The following USP44 variants were observed in gnomAD, a reference collection of about 807,000 sequenced individuals.
The protein encoded by USP44 is ubiquitin carboxyl-terminal hydrolase 44.
In USP44, 61 loss-of-function variants were observed where a neutral mutation model predicts 69.0. That is an observed-to-expected ratio of 0.88 (90% CI 0.72 to 1.09). The LOEUF (loss-of-function observed/expected upper bound fraction) is 1.09, where lower values mean the gene tolerates loss of function less well. Among genes scored for constraint, USP44 ranks in the 50% least tolerant of loss-of-function variants. USP44 has a pLI of 0.00. For missense variants in USP44, 753 were observed against 849.9 expected (o/e 0.89, Z 1.42); for synonymous variants, 297 against 295.4 (o/e 1.01, Z -0.06).
intron 4 of USP44, among the ~76,000 whole-genome samples, chr12:95,522,286 T>C (rs2076690541): frequency 6.6e-6 from 1 of 152,018 alleles, no homozygotes; most frequent in Non-Finnish European, 1.5e-5. Context: ...AACATAGTTT[T>C]ATGATGGAAA....
At position 95,532,018 on chromosome 12, in the gene USP44, A is replaced by G. The variant is rs989280836; in HGVS notation, c.1428+811T>C. Among the ~76,000 whole-genome samples, 4 of 152,284 alleles carry G rather than the reference A, an allele frequency of 2.6e-5. No individual in the cohort carries two copies. In the East Asian group the frequency reaches 7.7e-4, roughly 29 times the overall value. ...GGAAAATCATATAAGATTATTCTAG[A>G]TGAAATCACATTTGTTTACCTTAAA... On this transcript the variant is annotated intron_variant, in intron 2 of 5. Coordinates refer to ENST00000258499, the MANE Select transcript of USP44 (RefSeq NM_032147.5).
At chr12:95,524,322 T>G (rs1228432859) in intron 4 of USP44, among the ~76,000 whole-genome samples, 2 of 151,488 alleles carry the variant, frequency 1.3e-5, no homozygotes, top group African/African-American at 2.4e-5. Flanking sequence ...CCTCAGGTGA[T>G]CCACCTGCCT....
chr12:95,536,028 CCTTTTTTTTCCTTTTTTTTTTT>C (rs2077187598), intron 1 of USP44, among the ~76,000 whole-genome samples: 2 of 124,602 alleles, frequency 1.6e-5, no homozygotes, highest in South Asian at 5.0e-4. Flanking sequence ...TTCTTTCTTT[CCTTTTTTTTCCTTTTTTTTTTT>C]TTTTTTTTTT....
chr12:95,518,314 C>A lies in USP44; in HGVS notation c.1979G>T (p.Cys660Phe). Residue 660 changes from cysteine to phenylalanine, a missense_variant, in exon 6 of 6, where the codon TGC (cysteine) becomes TTC (phenylalanine). Transcript: ENST00000258499. ...VHCNDSKLSMCTMDEVCKAQA... is the reference protein window; with the variant it reads ...VHCNDSKLSMFTMDEVCKAQA... Reference sequence around the variant, plus strand: ...AGCCTTGCATACTTCATCCATAGTGCACATGCTTAGTTTGGAATCATTGCA... The same window carrying A: ...AGCCTTGCATACTTCATCCATAGTGAACATGCTTAGTTTGGAATCATTGCA... 1.9e-6 allele frequency: 3 copies of A among 1,614,114 alleles called. No individual in the cohort carries two copies. The highest frequency in any genetic ancestry group is 2.5e-6 in the Non-Finnish European group (3 of 1,180,028).
At chr12:95,522,788 A>G (rs1300360776) in intron 4 of USP44, among the ~76,000 whole-genome samples, 1 of 151,712 alleles carries the variant, frequency 6.6e-6, no homozygotes, top group Non-Finnish European at 1.5e-5. Flanking sequence ...CAAAAAAAAA[A>G]AAAAAAAAAA....
intron 1 of USP44, among the ~76,000 whole-genome samples, chr12:95,545,055 T>C (rs182078639): frequency 8.7e-4 from 133 of 152,308 alleles, no homozygotes; most frequent in Middle Eastern, 6.8e-3. Context: ...TATGACTAAC[T>C]ACTTCCCAAA....
chr12:95,529,025 C>G (rs1448759006), intron 2 of USP44, 23 bp from the exon 3 acceptor site: 1 of 1,574,910 alleles, frequency 6.3e-7, no homozygotes, highest in Non-Finnish European at 8.6e-7. Flanking sequence ...ATATGAGTTC[C>G]TAAGATTATA....
At position 95,533,397 on chromosome 12, in the gene USP44, A is replaced by G; in HGVS notation, c.860T>C (p.Val287Ala). ...NLGNTCYMNS[V>A]LQVLSHLLIF... ...AAGTAAATGACTCAACACCTGAAGA[A>G]CAGAATTCATATAGCAAGTATTTCC... The change falls in exon 2 of 6, where the codon GTT (valine) becomes GCT (alanine). Residue 287 changes from valine (V) to alanine (A), a missense_variant. Physicochemically the swap from Val to Ala is moderately conservative, Grantham distance 64 (BLOSUM62 0). Transcript: ENST00000258499. 1 of 1,613,718 alleles carries G rather than the reference A, an allele frequency of 6.2e-7. No individual in the cohort carries two copies. The highest frequency in any genetic ancestry group is 1.1e-5 in the South Asian group (1 of 91,018).
At chr12:95,540,695 C>T (rs1171220491) in intron 1 of USP44, among the ~76,000 whole-genome samples, 1 of 152,048 alleles carries the variant, frequency 6.6e-6, no homozygotes, top group African/African-American at 2.4e-5. Context: ...TTCACTAAGT[C>T]TCTATTACTT....
In USP44 at chr12:95,548,644, G is replaced by C. The variant is rs1367578903; in HGVS notation, c.-71+2628C>G. 6.6e-6 allele frequency: 1 copy of C among 152,056 alleles called. No individual in the cohort carries two copies. The highest frequency in any genetic ancestry group is 1.5e-5 in the Non-Finnish European group (1 of 68,106). 9.4% of individuals were successfully genotyped at this position (152,056 alleles called of 1,614,324 possible). On this transcript the variant is annotated intron_variant, in intron 1 of 5. Transcript: ENST00000258499. The surrounding 1 kb of genome is among the most constrained non-coding windows in gnomAD (Gnocchi z 4.1). Reference sequence around the variant, plus strand: ...GCTCTCCCTCTCTCAGGACCCCCCAGCGCCCTGCGCGGCGAGAATAGGCCC... The same window carrying C: ...GCTCTCCCTCTCTCAGGACCCCCCACCGCCCTGCGCGGCGAGAATAGGCCC...
rs951592792 is a variant in USP44 at position 95,546,494 on chromosome 12, A to G, written c.-71+4778T>C. On this transcript the variant is annotated intron_variant, in intron 1 of 5. Transcript: ENST00000258499. Reference sequence around the variant, plus strand: ...CCTGTATTTCAGTTATTTGTCACCTATTTAGGCTGGGCCTAATAGCAAAAC... The same window carrying G: ...CCTGTATTTCAGTTATTTGTCACCTGTTTAGGCTGGGCCTAATAGCAAAAC... The G allele has an allele frequency of 5.3e-5, 8 of 152,190 alleles. No individual in the cohort carries two copies. In the East Asian group the frequency reaches 1.5e-3, roughly 29 times the overall value. 9.4% of individuals were successfully genotyped at this position (152,190 alleles called of 1,614,324 possible). A position where few individuals can be genotyped will look rare whatever the true frequency, so the allele number is the denominator to read the frequency against.
intron 1 of USP44, among the ~76,000 whole-genome samples, chr12:95,538,820 GGAAA>G (rs1013854565): frequency 1.3e-5 from 2 of 152,230 alleles, no homozygotes; most frequent in African/African-American, 4.8e-5. Flanking sequence ...AGAGCTTGGA[GGAAA>G]GAAAGGAGGA....
intron 1 of USP44, among the ~76,000 whole-genome samples, chr12:95,538,020 C>G (rs1336281476): frequency 2.0e-5 from 3 of 152,122 alleles, no homozygotes; most frequent in Non-Finnish European, 4.4e-5. Flanking sequence ...AAGTACTTGA[C>G]CTTCAAAGGG....
intron 3 of USP44, among the ~76,000 whole-genome samples, chr12:95,527,282 A>G (rs1348738914): frequency 6.6e-6 from 1 of 151,696 alleles, no homozygotes; most frequent in Non-Finnish European, 1.5e-5. Flanking sequence ...TTTAGTAGAG[A>G]TGGGGTTTCA....
At position 95,534,253 on chromosome 12, in the gene USP44, G is replaced by A; in HGVS notation, c.4C>T (p.Leu2=). 6.2e-7 allele frequency: 1 copy of A among 1,605,822 alleles called. No homozygotes were observed. The highest frequency in any genetic ancestry group is 1.1e-5 in the South Asian group (1 of 90,064). Residue 2 remains leucine (L), a synonymous_variant, in exon 2 of 6, where the codon CTA becomes TTA. Coordinates refer to ENST00000258499, the MANE Select transcript of USP44 (RefSeq NM_032147.5). The part of the protein sequence containing the change: M[L]AMDTCKHVGQ... ...ACATGTTTGCACGTATCCATTGCTA[G>A]CATTTATTTAGTCTAGCTGAGAAAT...
chr12:95,548,813 C>T lies in USP44; in HGVS notation c.-71+2459G>A, dbSNP rs1316774836. 6.6e-6 allele frequency: 1 copy of T among 152,054 alleles called. No homozygotes were observed. Among genetic ancestry groups the T allele is most frequent in the Non-Finnish European group, 1.5e-5 (1 of 68,052 alleles). The allele number at this position is 152,054 out of a possible 1,614,324, so 9.4% of individuals were successfully genotyped here. A position where few individuals can be genotyped will look rare whatever the true frequency, so the allele number is the denominator to read the frequency against. ...GCCATCTTAGCGCTCACCCCGGCCC[C>T]CCGCCCCCCGGTTCGGCGGCCGCGA... On this transcript the variant is annotated intron_variant, in intron 1 of 5. Coordinates refer to ENST00000258499, the MANE Select transcript of USP44 (RefSeq NM_032147.5). The surrounding 1 kb of genome is among the most constrained non-coding windows in gnomAD (Gnocchi z 4.1).
At chr12:95,542,502 ACG>A (rs1362205944) in intron 1 of USP44, among the ~76,000 whole-genome samples, 5 of 152,210 alleles carry the variant, frequency 3.3e-5, no homozygotes, top group Non-Finnish European at 7.3e-5. Flanking sequence ...ACAGTGGCTT[ACG>A]CTTGTAATCC....
intron 3 of USP44, among the ~76,000 whole-genome samples, chr12:95,525,289 C>T (rs1252857433): frequency 6.6e-6 from 1 of 152,146 alleles, no homozygotes. Flanking sequence ...CCAGGCTGGT[C>T]TCGAACTCCT....
At chr12:95,549,796 C>T (rs1353833708) in intron 1 of USP44, among the ~76,000 whole-genome samples, 1 of 152,022 alleles carries the variant, frequency 6.6e-6, no homozygotes, top group Non-Finnish European at 1.5e-5. Context: ...AATGAGTGCA[C>T]AAAGGTATTC....
Sources: allele counts gnomAD v4.1 joint callset (sites outside exome capture counted in the v4.1 genomes callset), GRCh38; gene constraint gnomAD v4.1.1; non-coding constraint Gnocchi (gnomAD v3.1); transcripts MANE v1.5; gene names NCBI Gene and HGNC (gene_info 2026-07-23, HGNC 2026-07-21).